BAIAP2: variants seen among roughly 807,000 people sequenced by gnomAD.
BAIAP2 encodes BAR/IMD domain-containing adapter protein 2.
BAIAP2 carries 18 observed loss-of-function variants against 63.0 expected under a neutral mutation model. The ratio of observed to expected loss-of-function variants is 0.29; its 90% CI spans 0.20 to 0.42. The LOEUF is 0.42. Among genes scored for constraint, BAIAP2 ranks in the 10% least tolerant of loss-of-function variants. The pLI is 1.00. For synonymous variants in BAIAP2, 386 were observed against 307.6 expected, an observed-to-expected ratio of 1.25 and a Z score of -2.67; for missense variants, 610 against 734.3, an observed-to-expected ratio of 0.83 and a Z score of 1.96.
intron 1 of BAIAP2, among the ~76,000 whole-genome samples, chr17:81,047,641 AAC>A (rs10564477): frequency 0.76 from 114,400 of 150,928 alleles, 43,487 homozygotes; most frequent in Middle Eastern, 0.81. Flanking sequence ...CGCACAGGTA[AAC>A]ACGCAGCTCA....
chr17:81,100,174 C>G, intron 7 of BAIAP2, 94 bp downstream of exon 7: 1 of 1,432,640 alleles, frequency 7.0e-7, no homozygotes, highest in Non-Finnish European at 9.2e-7. Flanking sequence ...GTGAACACAC[C>G]GGGGCAGTGT....
intron 13 of BAIAP2, among the ~76,000 whole-genome samples, chr17:81,113,408 T>C (rs918908773): frequency 2.6e-5 from 4 of 152,250 alleles, no homozygotes; most frequent in African/African-American, 9.6e-5. Flanking sequence ...GACCTTGCAG[T>C]GGCCTTGGGC....
chr17:81,085,182 G>C (rs555588767), intron 4 of BAIAP2: 1 of 536,342 alleles, frequency 1.9e-6, no homozygotes, highest in East Asian at 3.2e-5. Context: ...CACTCCTGGG[G>C]TTCACAAGGT....
At chr17:81,090,835 C>T (rs980723902) in intron 6 of BAIAP2, among the ~76,000 whole-genome samples, 1 of 152,224 alleles carries the variant, frequency 6.6e-6, no homozygotes, top group South Asian at 2.1e-4. Flanking sequence ...GGCCCCTTGC[C>T]CCACCCAGGG....
intron 4 of BAIAP2, chr17:81,085,221 G>A (rs1445847037): frequency 1.6e-5 from 8 of 505,674 alleles, no homozygotes; most frequent in African/African-American, 1.9e-5. Context: ...TGGCCTCTCC[G>A]ACTGTAGGCA....
At chr17:81,092,816 C>T (rs532669904) in intron 6 of BAIAP2, among the ~76,000 whole-genome samples, 28 of 152,172 alleles carry the variant, frequency 1.8e-4, no homozygotes, top group Non-Finnish European at 4.1e-4. Flanking sequence ...CCACACCACG[C>T]GGGGCACGGT....
At chr17:81,044,296 C>T (rs897964764) in intron 1 of BAIAP2, among the ~76,000 whole-genome samples, 3 of 152,224 alleles carry the variant, frequency 2.0e-5, no homozygotes, top group East Asian at 1.9e-4. Context: ...GCAGGCCAGG[C>T]GGTGACCAGA....
At chr17:81,099,118 C>T (rs181205681) in intron 6 of BAIAP2, among the ~76,000 whole-genome samples, 200 of 64,334 alleles carry the variant, frequency 3.1e-3, no homozygotes, top group Admixed American at 5.3e-3. Flanking sequence ...CACCCTGTTC[C>T]GAAAGGCGTG....
intron 2 of BAIAP2, among the ~76,000 whole-genome samples, chr17:81,056,788 G>A (rs540610273): frequency 2.1e-5 from 3 of 142,714 alleles, no homozygotes; most frequent in African/African-American, 7.7e-5. Flanking sequence ...CCGCCCTGGA[G>A]TCTCACTTCT....
At position 81,106,711 on chromosome 17, in the gene BAIAP2, C is replaced by T. The variant is rs374256415; in HGVS notation, c.1338-34C>T. The T allele has an allele frequency of 2.4e-5, 39 of 1,611,680 alleles. No individual in the cohort carries two copies. The African/African-American group carries it at 3.3e-4, about 14-fold the overall frequency. On this transcript the variant is annotated intron_variant, in intron 11 of 13. Transcript: ENST00000428708. ...TTGTGGGGTGTTGGGGGCATCCGGC[C>T]TGCTGGGCCGCCTCTGAGTCCCTGT...
At chr17:81,065,424 C>G (rs2051292131) in intron 3 of BAIAP2, among the ~76,000 whole-genome samples, 1 of 152,220 alleles carries the variant, frequency 6.6e-6, no homozygotes, top group South Asian at 2.1e-4. Context: ...CTGGCACCAC[C>G]AGGGGCTGGT....
At chr17:81,098,409 C>A (rs1439483698) in intron 6 of BAIAP2, among the ~76,000 whole-genome samples, 7 of 143,620 alleles carry the variant, frequency 4.9e-5, no homozygotes, top group African/African-American at 1.9e-4. Context: ...GCTTGCACTA[C>A]TTCTTTTAAA....
At chr17:81,114,568 C>T (rs1490101542) in intron 13 of BAIAP2, among the ~76,000 whole-genome samples, 2 of 152,254 alleles carry the variant, frequency 1.3e-5, no homozygotes, top group African/African-American at 2.4e-5. Flanking sequence ...GGTGCCAATG[C>T]TTAGACGCCA....
chr17:81,098,322 A>C, intron 6 of BAIAP2: 2 of 582,308 alleles, frequency 3.4e-6, no homozygotes, highest in Non-Finnish European at 4.9e-6. Flanking sequence ...TCTCCCCCAA[A>C]CTCCCCCTCT....
At chr17:81,098,098 C>A in intron 6 of BAIAP2, 2 of 1,365,408 alleles carry the variant, frequency 1.5e-6, no homozygotes, top group Non-Finnish European at 1.9e-6. Context: ...CATGGAGGGG[C>A]CAGCGGGGGG....
rs1279499607 is a variant in BAIAP2 at position 81,116,225 on chromosome 17, A to G, written c.*386A>G. The G allele has an allele frequency of 6.2e-7, 1 of 1,612,182 alleles. No individual in the cohort carries two copies. Among genetic ancestry groups the G allele is most frequent in the Non-Finnish European group, 8.5e-7 (1 of 1,179,484 alleles). ...TGCCTAATAAACAGGCTTCTCCTGC[A>G]CCAGGTGTGATCTGTCCGCCCAAGG... On this transcript the variant is annotated 3_prime_UTR_variant, in exon 14 of 14. Transcript: ENST00000428708.
rs757169580 is a variant in BAIAP2, at chr17:81,115,829, T to A, written c.1595T>A (p.Leu532His). The change falls in exon 14 of 14, where the codon CTC (leucine) becomes CAC (histidine). Residue 532 changes from leucine to histidine, a missense_variant. Around this residue, in one of 5 missense-constraint regions of BAIAP2, gnomAD observed 114 missense variants for 98.2 expected, o/e 1.16. Transcript: ENST00000428708. ...GTGACCAACGACAGGTCTGCCCCCCTCCTCAGCTGATGGCCACATCTGCAG... is the reference window on the plus strand; with the variant it reads ...GTGACCAACGACAGGTCTGCCCCCCACCTCAGCTGATGGCCACATCTGCAG... The part of the protein sequence containing the change: ...PTVTNDRSAP[L>H]LS 6.2e-7 allele frequency: 1 copy of A among 1,613,402 alleles called. No individual in the cohort carries two copies. The highest frequency in any genetic ancestry group is 8.5e-7 in the Non-Finnish European group (1 of 1,179,982).
At position 81,065,660 on chromosome 17, in the gene BAIAP2, C is replaced by T. The variant is rs527831270; in HGVS notation, c.217+7693C>T. On this transcript the variant is annotated intron_variant, in intron 3 of 13. Transcript: ENST00000428708. ...TATGGCCCAGGCCCTCTCGCTCCCCCACCCGAGGCTGGGCGCACAGAGCTG... is the reference window on the plus strand; with the variant it reads ...TATGGCCCAGGCCCTCTCGCTCCCCTACCCGAGGCTGGGCGCACAGAGCTG... 1.6e-4 allele frequency among the ~76,000 whole-genome samples: 25 copies of T among 152,362 alleles called. 1 individual carries two copies. The South Asian group carries it at 3.7e-3, about 23-fold the overall frequency.
chr17:81,037,005 A>G (rs1465012303), intron 1 of BAIAP2: 3 of 1,478,096 alleles, frequency 2.0e-6, no homozygotes, highest in Non-Finnish European at 2.7e-6. Context: ...CGACCCCGTG[A>G]TCGTCCTTAA....
Sources: gnomAD v4.1 joint callset for allele counts (sites outside exome capture counted in the v4.1 genomes callset) on GRCh38, gnomAD v4.1.1 for gene constraint, gnomAD v4.1.1 regional missense constraint, MANE v1.5 for transcripts, NCBI Gene and HGNC (gene_info 2026-07-23, HGNC 2026-07-21) for gene names.